Variants in DOP1B observed in about 807,000 individuals in gnomAD.
DOP1B encodes the protein DOP1 leucine zipper like protein B.
A neutral mutation model predicts 233.5 loss-of-function variants in DOP1B; 174 were observed. The ratio of observed to expected loss-of-function variants is 0.75; its 90% CI spans 0.66 to 0.85. The LOEUF (loss-of-function observed/expected upper bound fraction) is 0.85, where lower values mean the gene tolerates loss of function less well. Ranked by LOEUF, DOP1B falls within the 40% of genes least tolerant of loss-of-function variation. DOP1B has a pLI of 0.00. For missense variants in DOP1B, 2,652 were observed against 2,846.6 expected, an observed-to-expected ratio of 0.93 and a Z score of 1.56; for synonymous variants, 1,190 against 1,185.6, an observed-to-expected ratio of 1.00 and a Z score of -0.08.
At chr21:36,190,555 G>A (rs917185983) in intron 2 of DOP1B, among the ~76,000 whole-genome samples, 1 of 151,806 alleles carries the variant, frequency 6.6e-6, no homozygotes. Flanking sequence ...GTGCTACTAC[G>A]CCTGGCTAAT....
At chr21:36,256,256 T>C (rs773470870) in intron 23 of DOP1B, among the ~76,000 whole-genome samples, 1 of 152,010 alleles carries the variant, frequency 6.6e-6, no homozygotes, top group Non-Finnish European at 1.5e-5. Context: ...GCCTGGGCAA[T>C]GTAGGGAGAC....
At chr21:36,268,846 T>A (rs1377522639) in intron 26 of DOP1B, among the ~76,000 whole-genome samples, 1 of 151,888 alleles carries the variant, frequency 6.6e-6, no homozygotes, top group Non-Finnish European at 1.5e-5. Flanking sequence ...ATTTTTGTAT[T>A]TTTAGCAGAG....
chr21:36,214,506 AC>A lies in DOP1B; in HGVS notation c.1081del (p.Leu361Ter). 1 of 1,614,004 alleles carries A rather than the reference AC, an allele frequency of 6.2e-7. No homozygotes were observed. On this transcript the variant is annotated frameshift_variant, in exon 9 of 37. Transcript: ENST00000691173. LOFTEE classifies it high-confidence loss of function. ...GACGTGGAGGAACGCCATCATGCAT[AC>A]CTGAAGCCTTTTCGCGTCCTCATCA... ...DADVEERHHA[Y>X]LKPFRVLISL...
intron 2 of DOP1B, among the ~76,000 whole-genome samples, chr21:36,191,923 AAGGGCACAGTTC>A (rs1190631547): frequency 6.6e-6 from 1 of 152,118 alleles, no homozygotes; most frequent in East Asian, 1.9e-4. Context: ...AACCATTTTT[AAGGGCACAGTTC>A]AGTGGTATTA....
intron 2 of DOP1B, among the ~76,000 whole-genome samples, chr21:36,177,784 A>T (rs2066049320): frequency 6.6e-6 from 1 of 152,210 alleles, no homozygotes; most frequent in Non-Finnish European, 1.5e-5. Flanking sequence ...CTCCACCAGC[A>T]AGAAGGCCCT....
chr21:36,233,050 T>C lies in DOP1B; in HGVS notation c.2597T>C (p.Ile866Thr), dbSNP rs2066786159. 3.1e-6 allele frequency: 5 copies of C among 1,614,068 alleles called. No homozygotes were observed. Among genetic ancestry groups the C allele is most frequent in the Non-Finnish European group, 3.4e-6 (4 of 1,179,972 alleles). Residue 866 changes from isoleucine to threonine, a missense_variant, in exon 15 of 37, where the codon ATT becomes ACT. This residue lies in a region of DOP1B where 2,617 missense variants were observed against 2,794.3 expected (regional missense o/e 0.94). Coordinates refer to ENST00000691173, the MANE Select transcript of DOP1B (RefSeq NM_001320714.2). ...PPIAPGILKV[I>T]AEKTDFYQRV... is the part of the protein sequence containing the mutation. ...ATTGCTCCAGGGATATTGAAAGTCATTGCAGAGAAAACAGATTTCTATCAG... is the reference window on the plus strand; with the variant it reads ...ATTGCTCCAGGGATATTGAAAGTCACTGCAGAGAAAACAGATTTCTATCAG...
Position 36,245,363 on chromosome 21 carries a change from TCTC to T in DOP1B, c.3388_3390del (p.Ser1130del), listed in dbSNP as rs775879473. 5 of 1,613,770 alleles carry T rather than the reference TCTC, an allele frequency of 3.1e-6. No homozygotes were observed. The African/African-American group carries it at 5.3e-5, about 17-fold the overall frequency. On this transcript the variant is annotated inframe_deletion, in exon 19 of 37. Coordinates refer to ENST00000691173, the MANE Select transcript of DOP1B (RefSeq NM_001320714.2). This position sits in a 1 kb window ranked among gnomAD's most constrained non-coding sequence, Gnocchi z 5.5. Reference sequence around the variant, plus strand: ...ACGGACAGCGAGAACACGTCCTCCTTCTCCTCCCCTTCCCACGACCTGCAGGAG... The same window carrying T: ...ACGGACAGCGAGAACACGTCCTCCTTCTCCCCTTCCCACGACCTGCAGGAG...
At chr21:36,276,530 C>CAAAAAT (rs1411436814) in intron 27 of DOP1B, among the ~76,000 whole-genome samples, 1 of 151,500 alleles carries the variant, frequency 6.6e-6, no homozygotes, top group Non-Finnish European at 1.5e-5. Context: ...GATCCTGTCT[C>CAAAAAT]AAAAATAAAA....
intron 24 of DOP1B, chr21:36,261,059 C>G (rs1429770140): frequency 1.9e-6 from 2 of 1,053,634 alleles, no homozygotes; most frequent in Non-Finnish European, 1.1e-6. Context: ...GTGTTAAAGA[C>G]CTCTTTTAGA....
intron 36 of DOP1B, among the ~76,000 whole-genome samples, 172 bp downstream of exon 36, chr21:36,292,405 T>C (rs1241625558): frequency 6.6e-6 from 1 of 151,688 alleles, no homozygotes; most frequent in Non-Finnish European, 1.5e-5. Flanking sequence ...TACAGGAATG[T>C]GCCACCACAC....
rs143529356 is a variant in DOP1B at position 36,267,439 on chromosome 21, G to A, written c.5488-2574G>A. Reference sequence around the variant, plus strand: ...TTTACCTACATTGGCCAGTATAGTAGCCGTTAGCCACAGGTGGCTGTTGAG... The same window carrying A: ...TTTACCTACATTGGCCAGTATAGTAACCGTTAGCCACAGGTGGCTGTTGAG... On this transcript the variant is annotated intron_variant, in intron 26 of 36. Transcript: ENST00000691173. 4.7e-3 allele frequency among the ~76,000 whole-genome samples: 714 copies of A among 152,256 alleles called. 4 individuals carry two copies. The highest frequency in any genetic ancestry group is 0.016 in the African/African-American group (670 of 41,552).
intron 10 of DOP1B, 143 bp downstream of exon 10, chr21:36,219,635 A>G (rs1471150984): frequency 5.8e-6 from 7 of 1,204,588 alleles, no homozygotes; most frequent in Non-Finnish European, 5.7e-6. Flanking sequence ...AAAATAATCA[A>G]TGCGTTGAAG....
intron 4 of DOP1B, among the ~76,000 whole-genome samples, chr21:36,208,116 C>T (rs953806325): frequency 2.6e-5 from 4 of 152,194 alleles, no homozygotes; most frequent in African/African-American, 9.7e-5. Context: ...TCAGCACATG[C>T]AGGTGCTGTG....
chr21:36,253,841 A>T lies in DOP1B; in HGVS notation c.5191A>T (p.Thr1731Ser). ...DLVCALSTLQ[T>S]DTLLHLVKEV... ...GGTGTGTGCACTCAGCACCCTGCAGACTGACACGCTGCTGCACCTGGTGAA... is the reference window on the plus strand; with the variant it reads ...GGTGTGTGCACTCAGCACCCTGCAGTCTGACACGCTGCTGCACCTGGTGAA... The change falls in exon 23 of 37, where the codon ACT becomes TCT. Residue 1731 changes from threonine (T) to serine (S), a missense_variant. Coordinates refer to ENST00000691173, the MANE Select transcript of DOP1B (RefSeq NM_001320714.2). 1 of 1,614,040 alleles carries T rather than the reference A, an allele frequency of 6.2e-7. No homozygotes were observed. The highest frequency in any genetic ancestry group is 8.5e-7 in the Non-Finnish European group (1 of 1,180,008).
chr21:36,282,092 C>T (rs9974155), intron 32 of DOP1B, among the ~76,000 whole-genome samples: 63,031 of 152,014 alleles, frequency 0.41, 13,170 homozygotes, highest in Middle Eastern at 0.51. Context: ...TATAGAACTT[C>T]AGAAGTATAT....
At position 36,238,709 on chromosome 21, in the gene DOP1B, G is replaced by A. The variant is rs376863936; in HGVS notation, c.2876+8G>A. The stretch of plus-strand genomic sequence containing the variant: ...CAATCGCTCCTTTGATAGGTGAGGC[G>A]GCCTTCGTTATGATCTACCGTTAAC... On this transcript the variant is annotated splice_region_variant and intron_variant, in intron 17 of 36. Coordinates refer to ENST00000691173, the MANE Select transcript of DOP1B (RefSeq NM_001320714.2). The A allele has an allele frequency of 2.2e-4, 359 of 1,613,926 alleles. No homozygotes were observed. Among genetic ancestry groups the A allele is most frequent in the Non-Finnish European group, 2.7e-4 (314 of 1,179,818 alleles).
At chr21:36,184,550 G>A (rs2066141349) in intron 2 of DOP1B, among the ~76,000 whole-genome samples, 1 of 152,192 alleles carries the variant, frequency 6.6e-6, no homozygotes, top group Non-Finnish European at 1.5e-5. Context: ...CAGGTCTCCT[G>A]CTTCCGTGCA....
intron 2 of DOP1B, among the ~76,000 whole-genome samples, chr21:36,176,103 T>TATGTGTGTGTGTGTGCGC (rs1029236168): frequency 7.0e-6 from 1 of 141,920 alleles, no homozygotes; most frequent in African/African-American, 2.5e-5. Flanking sequence ...TGTGCGTGTG[T>TATGTGTGTGTGTGTGCGC]GTGTGTGTGT....
rs757062830 is a variant in DOP1B, at chr21:36,260,695, A to AT, written c.5280dup (p.Pro1761SerfsTer51). ...TTTTCAGAAATCGCCCCTAGTGGAC[A>AT]TTCCTGTGTTGCAGTTTTGCTATGC... On this transcript the variant is annotated frameshift_variant, in exon 24 of 37. Transcript: ENST00000691173. LOFTEE classifies it high-confidence loss of function. The AT allele has an allele frequency of 5.0e-6, 8 of 1,614,002 alleles. No homozygotes were observed. In the Admixed American group the frequency reaches 1.3e-4, roughly 27 times the overall value.
Sources: allele counts gnomAD v4.1 joint callset (sites outside exome capture counted in the v4.1 genomes callset), GRCh38; gene constraint gnomAD v4.1.1; regional missense constraint gnomAD v4.1.1; non-coding constraint Gnocchi (gnomAD v3.1); transcripts MANE v1.5; gene names NCBI Gene and HGNC (gene_info 2026-07-23, HGNC 2026-07-21).